The following PMFBP1 variants were observed in gnomAD, a reference collection of about 807,000 sequenced individuals.
The protein encoded by PMFBP1 is polyamine-modulated factor 1-binding protein 1.
Under a neutral mutation model 137.8 loss-of-function variants are expected in PMFBP1, and 131 were observed. That is an observed-to-expected ratio of 0.95 (90% CI 0.82 to 1.10). The LOEUF is 1.10. PMFBP1 is among the 50% of genes least tolerant of loss of function. The pLI is 0.00. For synonymous variants in PMFBP1, 490 were observed against 450.4 expected (o/e 1.09, Z -1.11); for missense variants, 1,199 against 1,175.4 (o/e 1.02, Z -0.29).
chr16:72,148,449 AC>A (rs1347378108), intron 5 of PMFBP1, among the ~76,000 whole-genome samples: 1 of 152,162 alleles, frequency 6.6e-6, no homozygotes, highest in African/African-American at 2.4e-5. Context: ...CAGCAAACCA[AC>A]ATGGCACATG....
intron 19 of PMFBP1, 125 bp from the exon 20 acceptor site, chr16:72,120,214 G>T: frequency 2.0e-6 from 3 of 1,470,080 alleles, no homozygotes; most frequent in Non-Finnish European, 2.8e-6. Flanking sequence ...GTTCAGAGCC[G>T]GCCTGTTACA....
chr16:72,181,237 C>CAA (rs57619423), upstream of PMFBP1, among the ~76,000 whole-genome samples: 2,491 of 130,296 alleles, frequency 0.019, 28 homozygotes, highest in Non-Finnish European at 0.027. Context: ...GACTTCATCT[C>CAA]AAAAAAAAAA....
intron 7 of PMFBP1, among the ~76,000 whole-genome samples, chr16:72,138,340 C>T (rs533780297): frequency 1.4e-3 from 219 of 152,270 alleles, no homozygotes; most frequent in African/African-American, 4.8e-3. Context: ...CACCCCGCTT[C>T]GCCCCCATTT....
At position 72,136,790 on chromosome 16, in the gene PMFBP1, G is replaced by C; in HGVS notation, c.948C>G (p.Asp316Glu). Reference sequence around the variant, plus strand: ...ACTCCTCCACATGCAGGCACTGGCTGTCTTTCTGCTCCTGCAAGTGCTTCA... The same window carrying C: ...ACTCCTCCACATGCAGGCACTGGCTCTCTTTCTGCTCCTGCAAGTGCTTCA... ...KILKHLQEQK[D>E]SQCLHVEEYQ... Residue 316 changes from aspartate (D) to glutamate (E), a missense_variant, in exon 8 of 21, where the codon GAC becomes GAG. Coordinates refer to ENST00000237353, the MANE Select transcript of PMFBP1 (RefSeq NM_031293.3). 1 of 1,614,202 alleles carries C rather than the reference G, an allele frequency of 6.2e-7. No homozygotes were observed. The highest frequency in any genetic ancestry group is 1.3e-5 in the African/African-American group (1 of 75,058).
At chr16:72,133,799 T>G (rs1224734107) in intron 9 of PMFBP1, among the ~76,000 whole-genome samples, 1 of 152,084 alleles carries the variant, frequency 6.6e-6, no homozygotes, top group East Asian at 1.9e-4. Context: ...CACCTGAAAC[T>G]GGTGATCAGC....
At chr16:72,204,699 A>G in the PMFBP1 span, among the ~76,000 whole-genome samples, 1 of 152,104 alleles carries the variant, frequency 6.6e-6, no homozygotes, top group Non-Finnish European at 1.5e-5. Flanking sequence ...AGTACTTGAT[A>G]TACCATTTTT....
chr16:72,164,474 T>G, intron 3 of PMFBP1: 1 of 1,409,088 alleles, frequency 7.1e-7, no homozygotes, highest in Non-Finnish European at 9.4e-7. Context: ...TCTGATATTT[T>G]CAGGGCAATG....
the PMFBP1 span, among the ~76,000 whole-genome samples, chr16:72,237,940 C>T: frequency 4.6e-5 from 7 of 152,116 alleles, no homozygotes; most frequent in Non-Finnish European, 7.4e-5. Flanking sequence ...GGATAATGGC[C>T]TCTAGCTCCA....
chr16:72,222,185 C>T, the PMFBP1 span, among the ~76,000 whole-genome samples: 1 of 152,116 alleles, frequency 6.6e-6, no homozygotes, highest in Non-Finnish European at 1.5e-5. Context: ...GTTGCTCAGA[C>T]TGGTCTTGAA....
chr16:72,215,693 T>C, the PMFBP1 span, among the ~76,000 whole-genome samples: 4 of 152,152 alleles, frequency 2.6e-5, no homozygotes, highest in Non-Finnish European at 5.9e-5. Context: ...AGGTGAAACA[T>C]GTTGGCTAAT....
intron 18 of PMFBP1, 130 bp downstream of exon 18, chr16:72,123,416 G>A (rs1418337507): frequency 1.3e-5 from 10 of 744,712 alleles, no homozygotes; most frequent in Non-Finnish European, 2.2e-5. Context: ...TCCATCCCTT[G>A]GGTGTGGGCT....
intron 10 of PMFBP1, among the ~76,000 whole-genome samples, chr16:72,131,597 A>G (rs1385935826): frequency 6.6e-6 from 1 of 152,192 alleles, no homozygotes; most frequent in Non-Finnish European, 1.5e-5. Flanking sequence ...GAGCTCACTG[A>G]GGAACGAGTA....
the PMFBP1 span, among the ~76,000 whole-genome samples, chr16:72,242,566 T>C: frequency 1.6e-4 from 25 of 152,284 alleles, 1 homozygote; most frequent in Admixed American, 1.6e-3. Flanking sequence ...AAGAGGGAAA[T>C]TGTCAAGTTT....
the PMFBP1 span, among the ~76,000 whole-genome samples, chr16:72,189,490 A>G: frequency 6.6e-6 from 1 of 152,232 alleles, no homozygotes; most frequent in African/African-American, 2.4e-5. Flanking sequence ...GGGCAGAGAA[A>G]GGGAACTGGC....
chr16:72,243,948 C>T, the PMFBP1 span, among the ~76,000 whole-genome samples: 1 of 152,104 alleles, frequency 6.6e-6, no homozygotes, highest in Non-Finnish European at 1.5e-5. Context: ...GGTTAGCCTT[C>T]GACTTCGTTA....
At chr16:72,210,766 T>C in the PMFBP1 span, among the ~76,000 whole-genome samples, 1 of 152,144 alleles carries the variant, frequency 6.6e-6, no homozygotes, top group Admixed American at 6.5e-5. Context: ...TCACCAGTGG[T>C]TGACTCAAAG....
chr16:72,170,826 T>G (rs2043210509), intron 2 of PMFBP1, among the ~76,000 whole-genome samples: 1 of 152,216 alleles, frequency 6.6e-6, no homozygotes. Context: ...CAATAGTTAA[T>G]ATCGATTAAG....
rs968641752 is a variant in PMFBP1, at chr16:72,147,624, A to G, written c.636+2984T>C. Among the ~76,000 whole-genome samples the G allele has an allele frequency of 7.2e-5, 11 of 152,362 alleles. No homozygotes were observed. In the East Asian group the frequency reaches 1.7e-3, roughly 24 times the overall value. Reference sequence around the variant, plus strand: ...GGGAGAAAATGTTTGCAATCTATCCATCTGACAAAGGGCTAATATCCAGAA... The same window carrying G: ...GGGAGAAAATGTTTGCAATCTATCCGTCTGACAAAGGGCTAATATCCAGAA... On this transcript the variant is annotated intron_variant, in intron 5 of 20. Coordinates refer to ENST00000237353, the MANE Select transcript of PMFBP1 (RefSeq NM_031293.3).
chr16:72,145,004 T>C (rs1475035107), intron 5 of PMFBP1, among the ~76,000 whole-genome samples: 1 of 152,188 alleles, frequency 6.6e-6, no homozygotes, highest in Admixed American at 6.5e-5. Context: ...CATCCAGGAC[T>C]TGAACTCAGC....
Sources: gnomAD v4.1 joint callset for allele counts (sites outside exome capture counted in the v4.1 genomes callset) on GRCh38, gnomAD v4.1.1 for gene constraint, MANE v1.5 for transcripts, NCBI Gene and HGNC (gene_info 2026-07-23, HGNC 2026-07-21) for gene names.